The following SLC7A11 variants were observed in gnomAD, a reference collection of about 807,000 sequenced individuals.
SLC7A11 encodes the protein solute carrier family 7 member 11.
SLC7A11 carries 35 observed loss-of-function variants against 54.5 expected under a neutral mutation model. That is an observed-to-expected ratio of 0.64 (90% CI 0.49 to 0.85). The LOEUF is 0.85. Ranked by LOEUF, SLC7A11 falls within the 40% of genes least tolerant of loss-of-function variation. SLC7A11 has a pLI of 0.00. For synonymous variants in SLC7A11, 230 were observed against 225.2 expected (o/e 1.02, Z -0.19); for missense variants, 583 against 618.1 (o/e 0.94, Z 0.60).
At chr4:138,203,826 T>C (rs1290371016) in intron 6 of SLC7A11, among the ~76,000 whole-genome samples, 1 of 152,056 alleles carries the variant, frequency 6.6e-6, no homozygotes, top group Non-Finnish European at 1.5e-5. Flanking sequence ...CTTGCAACAG[T>C]TTTCCCACCC....
At chr4:138,232,149 A>C in intron 3 of SLC7A11, 118 bp downstream of exon 3, 1 of 737,290 alleles carries the variant, frequency 1.4e-6, no homozygotes, top group Non-Finnish European at 2.4e-6. Context: ...TTGGAACTGT[A>C]AGCAAAAAGA....
chr4:138,218,928 T>C (rs1185118316), intron 5 of SLC7A11, among the ~76,000 whole-genome samples: 1 of 152,188 alleles, frequency 6.6e-6, no homozygotes, highest in Admixed American at 6.5e-5. Flanking sequence ...ACAAGCGAAG[T>C]ATTATTCTTT....
chr4:138,190,535 TTC>T (rs1446560904), intron 6 of SLC7A11, among the ~76,000 whole-genome samples: 1 of 152,140 alleles, frequency 6.6e-6, no homozygotes, highest in African/African-American at 2.4e-5. Context: ...CATCTCTCAC[TTC>T]TCTCTTTTCA....
At chr4:138,179,976 T>C (rs1029050048) in intron 10 of SLC7A11, among the ~76,000 whole-genome samples, 1 of 152,144 alleles carries the variant, frequency 6.6e-6, no homozygotes. Flanking sequence ...ACCTTATCTA[T>C]GCCATTTCTT....
chr4:138,224,603 C>A (rs1249571049), intron 3 of SLC7A11, among the ~76,000 whole-genome samples: 16 of 151,442 alleles, frequency 1.1e-4, no homozygotes, highest in African/African-American at 3.6e-4. Context: ...TCTTTAAAGG[C>A]AAAAAAATGG....
intron 10 of SLC7A11, among the ~76,000 whole-genome samples, chr4:138,179,751 A>C (rs1220488947): frequency 6.6e-6 from 1 of 152,166 alleles, no homozygotes; most frequent in African/African-American, 2.4e-5. Flanking sequence ...GCTCTTTGAT[A>C]ATTATGATTA....
At chr4:138,206,340 A>G (rs1455809949) in intron 6 of SLC7A11, among the ~76,000 whole-genome samples, 1 of 151,094 alleles carries the variant, frequency 6.6e-6, no homozygotes, top group Non-Finnish European at 1.5e-5. Context: ...TGCTCCTAAA[A>G]CAAGAGTTTA....
intron 6 of SLC7A11, among the ~76,000 whole-genome samples, chr4:138,203,268 C>T (rs1737331272): frequency 6.6e-6 from 1 of 151,922 alleles, no homozygotes. Flanking sequence ...CTGAATATCC[C>T]CTAAATTGTG....
At chr4:138,175,007 A>AT (rs1196157076) in intron 11 of SLC7A11, among the ~76,000 whole-genome samples, 1 of 152,114 alleles carries the variant, frequency 6.6e-6, no homozygotes, top group Non-Finnish European at 1.5e-5. Context: ...GAATAATAGT[A>AT]TTTTTTTAAG....
In SLC7A11 at chr4:138,183,261, C is replaced by G. The variant is rs35701885; in HGVS notation, c.960G>C (p.Pro320=). The change falls in exon 8 of 12, where the codon CCG becomes CCC. Residue 320 remains proline, a synonymous_variant. Transcript: ENST00000280612. The part of the protein sequence containing the change: ...RLLGNFSLAV[P]IFVALSCFGS... ...CAAAGCAGGAGAGGGCAACAAAGAT[C>G]GGAACTGCTAATGAGAAATTTCCCA... The G allele has an allele frequency of 2.7e-5, 43 of 1,611,838 alleles. No homozygotes were observed. The Admixed American group carries it at 6.9e-4, about 26-fold the overall frequency.
chr4:138,202,816 C>T (rs1018828152), intron 6 of SLC7A11, among the ~76,000 whole-genome samples: 3 of 152,068 alleles, frequency 2.0e-5, no homozygotes, highest in African/African-American at 7.2e-5. Context: ...AAACTGTAGC[C>T]ACCTGACTCC....
intron 4 of SLC7A11, among the ~76,000 whole-genome samples, chr4:138,221,344 A>G (rs1253795566): frequency 6.6e-6 from 1 of 152,174 alleles, no homozygotes; most frequent in African/African-American, 2.4e-5. Context: ...ATAACATACA[A>G]CTACTTTCAG....
intron 4 of SLC7A11, among the ~76,000 whole-genome samples, chr4:138,220,778 G>A (rs1439763108): frequency 6.6e-6 from 1 of 152,124 alleles, no homozygotes; most frequent in Non-Finnish European, 1.5e-5. Flanking sequence ...GGGGACAGGG[G>A]GTGGATGATG....
At position 138,224,815 on chromosome 4, in the gene SLC7A11, AAAGGAAGGAAGGAAGGAAGG is replaced by A. The variant is rs138629758; in HGVS notation, c.521-1511_521-1492del. On this transcript the variant is annotated intron_variant, in intron 3 of 11. Coordinates refer to ENST00000280612, the MANE Select transcript of SLC7A11 (RefSeq NM_014331.4). ...GAAGGAAAAGAAGGAAGGAAGGATG[AAAGGAAGGAAGGAAGGAAGG>A]AAGGAAGGAAGGAAGGAAGGAAGGA... 1.1e-4 allele frequency among the ~76,000 whole-genome samples: 15 copies of A among 135,946 alleles called. No individual in the cohort carries two copies. The South Asian group carries it at 1.9e-3, about 18-fold the overall frequency. 89.2% of individuals were successfully genotyped at this position (135,946 alleles called of 152,430 possible).
intron 10 of SLC7A11, among the ~76,000 whole-genome samples, chr4:138,179,958 G>A (rs1736694742): frequency 6.6e-6 from 1 of 152,098 alleles, no homozygotes; most frequent in Non-Finnish European, 1.5e-5. Context: ...CTGACAACAT[G>A]ACTGACAACC....
In SLC7A11 at chr4:138,185,950, C is replaced by T. The variant is rs115155438; in HGVS notation, c.792-706G>A. On this transcript the variant is annotated intron_variant, in intron 6 of 11. Transcript: ENST00000280612. ...TGTGAGTTCAAAGGAAGCTCAAGATCGTGAGTATCTAATAATGCAACAGCG... is the reference window on the plus strand; with the variant it reads ...TGTGAGTTCAAAGGAAGCTCAAGATTGTGAGTATCTAATAATGCAACAGCG... Among the ~76,000 whole-genome samples the T allele has an allele frequency of 4.3e-3, 657 of 152,174 alleles. 9 individuals are homozygous for T. The highest frequency in any genetic ancestry group is 0.017 in the Middle Eastern group (5 of 294).
At chr4:138,224,610 A>C (rs1164506996) in intron 3 of SLC7A11, among the ~76,000 whole-genome samples, 1 of 152,164 alleles carries the variant, frequency 6.6e-6, no homozygotes, top group Non-Finnish European at 1.5e-5. Context: ...AGGCAAAAAA[A>C]TGGAAATAGC....
chr4:138,235,614 C>A (rs550589758), intron 2 of SLC7A11, among the ~76,000 whole-genome samples: 1 of 152,170 alleles, frequency 6.6e-6, no homozygotes, highest in East Asian at 1.9e-4. Context: ...AAGTAGTTAG[C>A]CTTAAGGAAC....
chr4:138,238,891 C>A (rs1228474534), intron 1 of SLC7A11, among the ~76,000 whole-genome samples: 1 of 152,142 alleles, frequency 6.6e-6, no homozygotes, highest in Non-Finnish European at 1.5e-5. Flanking sequence ...GCATGAGCCA[C>A]CATGCTCAGT....
Sources: gnomAD v4.1 joint callset for allele counts (sites outside exome capture counted in the v4.1 genomes callset) on GRCh38, gnomAD v4.1.1 for gene constraint, MANE v1.5 for transcripts, NCBI Gene and HGNC (gene_info 2026-07-23, HGNC 2026-07-21) for gene names.